KCNK2: variants seen among roughly 807,000 people sequenced by gnomAD.
KCNK2 encodes the protein potassium two pore domain channel subfamily K member 2, also known as potassium channel subfamily K member 2.
Under a neutral mutation model 40.5 loss-of-function variants are expected in KCNK2, and 21 were observed. The ratio of observed to expected loss-of-function variants is 0.52; its 90% CI spans 0.37 to 0.75. The LOEUF (loss-of-function observed/expected upper bound fraction) is 0.75. KCNK2 is among the 30% of genes least tolerant of loss of function. KCNK2 has a pLI of 0.00. For missense variants in KCNK2, 399 were observed against 531.6 expected (o/e 0.75, Z 2.45); for synonymous variants, 191 against 202.2 (o/e 0.94, Z 0.47).
chr1:215,216,026 C>T (rs569618043), intron 6 of KCNK2, among the ~76,000 whole-genome samples: 1 of 152,314 alleles, frequency 6.6e-6, no homozygotes, highest in Admixed American at 6.5e-5. Context: ...ATGTCCTGCA[C>T]AGTGAGCAGC....
intron 3 of KCNK2, among the ~76,000 whole-genome samples, chr1:215,168,454 A>T (rs2102632748): frequency 6.6e-6 from 1 of 152,328 alleles, no homozygotes; most frequent in Middle Eastern, 3.4e-3. Flanking sequence ...GAACCAACCT[A>T]AATCCCCATC....
intron 1 of KCNK2, among the ~76,000 whole-genome samples, chr1:215,040,851 C>G (rs923676591): frequency 3.0e-4 from 46 of 152,228 alleles, no homozygotes; most frequent in African/African-American, 1.0e-3. Context: ...GACAGGACAC[C>G]ACTGTTTGGG....
intron 2 of KCNK2, among the ~76,000 whole-genome samples, chr1:215,122,338 A>T (rs1661224456): frequency 6.6e-6 from 1 of 152,146 alleles, no homozygotes; most frequent in Admixed American, 6.5e-5. Flanking sequence ...GTAAGATTTA[A>T]ATTCTAAAGT....
At chr1:215,132,329 G>A (rs950193236) in intron 3 of KCNK2, among the ~76,000 whole-genome samples, 19 of 152,180 alleles carry the variant, frequency 1.2e-4, no homozygotes, top group Admixed American at 3.9e-4. Flanking sequence ...AAAGGATGTC[G>A]TCATTGTAGC....
At chr1:215,182,849 A>G (rs1664282952) in intron 5 of KCNK2, among the ~76,000 whole-genome samples, 1 of 151,930 alleles carries the variant, frequency 6.6e-6, no homozygotes, top group African/African-American at 2.4e-5. Context: ...CCTTTCCCTC[A>G]CTGCATTTCC....
intron 1 of KCNK2, among the ~76,000 whole-genome samples, chr1:215,070,468 T>C (rs1268395643): frequency 1.3e-5 from 2 of 150,468 alleles, no homozygotes; most frequent in Non-Finnish European, 3.0e-5. Flanking sequence ...TTAATTGACT[T>C]ATAGTTCCAC....
chr1:215,083,549 C>T (rs1394891241), intron 1 of KCNK2, 118 bp downstream of exon 1: 3 of 772,430 alleles, frequency 3.9e-6, no homozygotes, highest in Non-Finnish European at 6.8e-6. Context: ...ATCTTCGCTT[C>T]GCGTCCAAAG....
At chr1:215,161,918 T>C (rs983459712) in intron 3 of KCNK2, among the ~76,000 whole-genome samples, 4 of 152,180 alleles carry the variant, frequency 2.6e-5, no homozygotes, top group Admixed American at 1.3e-4. Context: ...GTAGAATGAT[T>C]TATAATCCTT....
chr1:215,203,688 G>T (rs143427122), intron 6 of KCNK2, among the ~76,000 whole-genome samples: 4 of 152,106 alleles, frequency 2.6e-5, no homozygotes, highest in Non-Finnish European at 5.9e-5. Flanking sequence ...TATATGGCTA[G>T]AATTTAATCA....
chr1:215,158,604 T>A (rs1663034476), intron 3 of KCNK2, among the ~76,000 whole-genome samples: 1 of 152,210 alleles, frequency 6.6e-6, no homozygotes, highest in African/African-American at 2.4e-5. Context: ...TTTTCCCTGA[T>A]CCTTCCTGGA....
At chr1:215,144,797 G>A (rs1160129884) in intron 3 of KCNK2, among the ~76,000 whole-genome samples, 2 of 152,036 alleles carry the variant, frequency 1.3e-5, no homozygotes, top group Non-Finnish European at 2.9e-5. Context: ...AGATACGGTC[G>A]AGCAATTCTG....
At chr1:215,005,566 C>T (rs559792291), upstream of KCNK2, among the ~76,000 whole-genome samples, 1 of 152,312 alleles carries the variant, frequency 6.6e-6, no homozygotes, top group Admixed American at 6.5e-5. Flanking sequence ...ATAAGTGACG[C>T]TGGCAACTTT....
chr1:215,194,621 GA>G (rs1300940664), intron 5 of KCNK2, among the ~76,000 whole-genome samples: 4 of 152,064 alleles, frequency 2.6e-5, no homozygotes, highest in African/African-American at 9.7e-5. Context: ...AATAGAGGTG[GA>G]AAAAGAAACT....
intron 1 of KCNK2, 195 bp downstream of exon 1, chr1:215,083,626 C>G (rs573324603): frequency 4.8e-5 from 29 of 609,026 alleles, no homozygotes; most frequent in Non-Finnish European, 6.1e-5. Context: ...CTTCTCCCCC[C>G]TCTCCCGCCG....
chr1:215,079,762 A>T (rs1659083222), upstream of KCNK2, among the ~76,000 whole-genome samples: 1 of 152,218 alleles, frequency 6.6e-6, no homozygotes, highest in Non-Finnish European at 1.5e-5. Flanking sequence ...CATACAAATT[A>T]GTATACTACA....
intron 3 of KCNK2, among the ~76,000 whole-genome samples, chr1:215,160,093 A>G (rs1419021463): frequency 6.6e-6 from 1 of 152,238 alleles, no homozygotes; most frequent in Non-Finnish European, 1.5e-5. Context: ...AATACAATGT[A>G]TAATCTTGAA....
chr1:215,190,244 A>T (rs926846768), intron 5 of KCNK2, among the ~76,000 whole-genome samples: 1 of 152,150 alleles, frequency 6.6e-6, no homozygotes, highest in Non-Finnish European at 1.5e-5. Flanking sequence ...TGGAGAGAGG[A>T]CAGAGCAAGG....
intron 3 of KCNK2, among the ~76,000 whole-genome samples, chr1:215,139,674 T>C (rs774714549): frequency 5.9e-5 from 9 of 152,078 alleles, no homozygotes; most frequent in Non-Finnish European, 1.2e-4. Context: ...TCCCAGCTAT[T>C]TGGGGGACTG....
intron 3 of KCNK2, among the ~76,000 whole-genome samples, chr1:215,130,447 T>G (rs747420740): frequency 4.1e-4 from 62 of 152,192 alleles, no homozygotes; most frequent in Non-Finnish European, 8.5e-4. Context: ...CTGTGAATCT[T>G]TCTAGGGAGT....
Sources: allele counts gnomAD v4.1 joint callset (sites outside exome capture counted in the v4.1 genomes callset), GRCh38; gene constraint gnomAD v4.1.1; transcripts MANE v1.5; gene names NCBI Gene and HGNC (gene_info 2026-07-23, HGNC 2026-07-21).